DNAJC12: variants seen among roughly 807,000 people sequenced by gnomAD.
The protein encoded by DNAJC12 is DnaJ heat shock protein family (Hsp40) member C12.
Under a neutral mutation model 28.5 loss-of-function variants are expected in DNAJC12, and 25 were observed. That is an observed-to-expected ratio of 0.88 (90% CI 0.64 to 1.22). The LOEUF (loss-of-function observed/expected upper bound fraction) is 1.22, where lower values mean the gene tolerates loss of function less well. DNAJC12 is among the 50% of genes most tolerant of loss of function. DNAJC12 has a pLI of 0.00. For synonymous variants in DNAJC12, 77 were observed against 80.6 expected, an observed-to-expected ratio of 0.95 and a Z score of 0.24; for missense variants, 222 against 231.7, an observed-to-expected ratio of 0.96 and a Z score of 0.27.
chr10:67,804,481 C>T (rs955496637), intron 4 of DNAJC12, among the ~76,000 whole-genome samples: 1 of 152,214 alleles, frequency 6.6e-6, no homozygotes, highest in Non-Finnish European at 1.5e-5. Flanking sequence ...CTGCCTCAGC[C>T]TCTTGAGTAG....
Position 67,797,219 on chromosome 10 carries a change from G to A in DNAJC12, c.503-9C>T, listed in dbSNP as rs1841682600. On this transcript the variant is annotated splice_polypyrimidine_tract_variant and intron_variant, in intron 4 of 4. Transcript: ENST00000225171. ...ATTCACATCTGCAAAACCTTTAAAGGAAAGAAAGTAAATATTTAAAATCAG... is the reference window on the plus strand; with the variant it reads ...ATTCACATCTGCAAAACCTTTAAAGAAAAGAAAGTAAATATTTAAAATCAG... 1.2e-6 allele frequency: 2 copies of A among 1,609,662 alleles called. No homozygotes were observed. Among genetic ancestry groups the A allele is most frequent in the Non-Finnish European group, 1.7e-6 (2 of 1,177,336 alleles).
At chr10:67,799,660 A>G (rs971756707) in intron 4 of DNAJC12, among the ~76,000 whole-genome samples, 19 of 151,994 alleles carry the variant, frequency 1.3e-4, no homozygotes, top group Admixed American at 1.1e-3. Flanking sequence ...CGAGGCGGGC[A>G]GATCACAAGG....
rs1491437524 is a variant in DNAJC12, at chr10:67,826,699, T to TAA, written c.79-3308_79-3307insTT. 1.8e-3 allele frequency among the ~76,000 whole-genome samples: 231 copies of TAA among 124,870 alleles called. 29 individuals carry two copies. Among genetic ancestry groups the TAA allele is most frequent in the African/African-American group, 6.6e-3 (218 of 33,150 alleles). 81.9% of individuals were successfully genotyped at this position (124,870 alleles called of 152,430 possible). A position where few individuals can be genotyped will look rare whatever the true frequency, so the allele number is the denominator to read the frequency against. On this transcript the variant is annotated intron_variant, in intron 1 of 4. Coordinates refer to ENST00000225171, the MANE Select transcript of DNAJC12 (RefSeq NM_021800.3). ...TATATAAGATATCTAATGATATATATTATATATATCACTATATATAAGATA... is the reference window on the plus strand; with the variant it reads ...TATATAAGATATCTAATGATATATATAATATATATATCACTATATATAAGATA...
intron 4 of DNAJC12, among the ~76,000 whole-genome samples, chr10:67,799,971 C>CTA (rs1463214423): frequency 6.6e-6 from 1 of 151,824 alleles, no homozygotes; most frequent in Non-Finnish European, 1.5e-5. Context: ...TGGCCCACAC[C>CTA]TATAATCCCA....
Position 67,838,142 on chromosome 10 carries a change from G to T in DNAJC12, c.-131C>A, listed in dbSNP as rs140185091. ...CATAGCAAAAACTAGCTTTAAGACT[G>T]GCCACAGTCAATACACCAGATGTCA... is the stretch of plus-strand genomic sequence containing the variant. On this transcript the variant is annotated 5_prime_UTR_variant, in exon 1 of 5. Coordinates refer to ENST00000225171, the MANE Select transcript of DNAJC12 (RefSeq NM_021800.3). The T allele has an allele frequency of 1.3e-4, 76 of 596,596 alleles. No homozygotes were observed. The African/African-American group carries it at 1.3e-3, about 10-fold the overall frequency. The allele number at this position is 596,596 out of a possible 1,614,324, so 37.0% of individuals were successfully genotyped here. A position where few individuals can be genotyped will look rare whatever the true frequency, so the allele number is the denominator to read the frequency against.
chr10:67,823,436 G>C, intron 1 of DNAJC12, 44 bp from the exon 2 acceptor site: 3 of 1,559,092 alleles, frequency 1.9e-6, no homozygotes, highest in Non-Finnish European at 2.7e-6. Context: ...CATGCCAGGC[G>C]CAGTGACTCA....
At chr10:67,810,891 TA>T (rs1438938192) in intron 3 of DNAJC12, 1 of 152,246 alleles carries the variant, frequency 6.6e-6, no homozygotes, top group African/African-American at 2.4e-5. Flanking sequence ...ATCTAGGTAA[TA>T]AATCATGCCT....
chr10:67,811,758 C>T (rs894937506), intron 2 of DNAJC12, 95 bp from the exon 3 acceptor site: 126 of 1,510,890 alleles, frequency 8.3e-5, no homozygotes, highest in Non-Finnish European at 1.0e-4. Context: ...CCATGACTGC[C>T]ACTTAATAGC....
chr10:67,828,682 A>C (rs1472086720), intron 1 of DNAJC12, among the ~76,000 whole-genome samples: 2 of 150,674 alleles, frequency 1.3e-5, no homozygotes, highest in Admixed American at 6.6e-5. Flanking sequence ...CTCTATATAT[A>C]TATATATACA....
intron 2 of DNAJC12, among the ~76,000 whole-genome samples, chr10:67,819,748 A>G (rs1481815465): frequency 0.15 from 4,449 of 29,088 alleles, 390 homozygotes; most frequent in South Asian, 0.26. Flanking sequence ...GGAAGGAAGG[A>G]AGGAAGGAAG....
At chr10:67,800,956 T>A (rs1279125622) in intron 4 of DNAJC12, among the ~76,000 whole-genome samples, 1 of 151,736 alleles carries the variant, frequency 6.6e-6, no homozygotes, top group Non-Finnish European at 1.5e-5. Flanking sequence ...AAAAAAAAAA[T>A]TTCTTTCTCT....
intron 2 of DNAJC12, chr10:67,816,172 A>C: frequency 7.5e-6 from 3 of 398,122 alleles, no homozygotes; most frequent in Non-Finnish European, 1.3e-5. Flanking sequence ...CATATTTTGC[A>C]ATAGAATTTG....
At chr10:67,800,597 C>G (rs1270252849) in intron 4 of DNAJC12, among the ~76,000 whole-genome samples, 1 of 152,062 alleles carries the variant, frequency 6.6e-6, no homozygotes, top group East Asian at 1.9e-4. Flanking sequence ...GTTGGCAATG[C>G]CTAGGAAGGT....
intron 1 of DNAJC12, among the ~76,000 whole-genome samples, chr10:67,823,664 G>A (rs1842002172): frequency 6.6e-6 from 1 of 151,304 alleles, no homozygotes; most frequent in African/African-American, 2.4e-5. Flanking sequence ...TGGCACCGCT[G>A]CACTCCTGCC....
intron 2 of DNAJC12, among the ~76,000 whole-genome samples, chr10:67,814,486 A>T (rs1841894596): frequency 6.6e-6 from 1 of 152,198 alleles, no homozygotes. Flanking sequence ...CCAAAAGCAC[A>T]AGCAACAAAA....
At chr10:67,804,828 T>C (rs1222726509) in intron 4 of DNAJC12, among the ~76,000 whole-genome samples, 1 of 152,034 alleles carries the variant, frequency 6.6e-6, no homozygotes, top group Non-Finnish European at 1.5e-5. Context: ...GGTCAGGAGT[T>C]TGAGACCAGC....
chr10:67,798,478 G>A (rs540822396), intron 4 of DNAJC12, among the ~76,000 whole-genome samples: 4 of 151,752 alleles, frequency 2.6e-5, no homozygotes, highest in Non-Finnish European at 4.4e-5. Flanking sequence ...TCAGGAGTTC[G>A]AGACCAGCAT....
intron 2 of DNAJC12, chr10:67,816,271 G>A: frequency 2.6e-6 from 1 of 389,726 alleles, no homozygotes; most frequent in Non-Finnish European, 4.5e-6. Context: ...GAAAAAATCT[G>A]GAAGAAAATA....
At chr10:67,798,239 C>G (rs1200899980) in intron 4 of DNAJC12, among the ~76,000 whole-genome samples, 2 of 151,912 alleles carry the variant, frequency 1.3e-5, no homozygotes, top group Admixed American at 6.6e-5. Flanking sequence ...GTTTTGATAT[C>G]GTCATTAACA....
Sources: gnomAD v4.1 joint callset for allele counts (sites outside exome capture counted in the v4.1 genomes callset) on GRCh38, gnomAD v4.1.1 for gene constraint, MANE v1.5 for transcripts, NCBI Gene and HGNC (gene_info 2026-07-23, HGNC 2026-07-21) for gene names.